Variants in FBXL20 observed in about 807,000 individuals in gnomAD.
The protein encoded by FBXL20 is F-box and leucine rich repeat protein 20.
Under a neutral mutation model 64.0 loss-of-function variants are expected in FBXL20, and 11 were observed. The observed-to-expected ratio is 0.17, with a 90% CI of 0.11 to 0.28. The LOEUF (loss-of-function observed/expected upper bound fraction) is 0.28, where lower values mean the gene tolerates loss of function less well. Ranked by LOEUF, FBXL20 falls within the 10% of genes least tolerant of loss-of-function variation. FBXL20 has a pLI of 1.00. For missense variants in FBXL20, 303 were observed against 526.2 expected, an observed-to-expected ratio of 0.58 and a Z score of 4.15; for synonymous variants, 184 against 189.0, an observed-to-expected ratio of 0.97 and a Z score of 0.22.
rs150560802 is a variant in FBXL20 at position 39,299,520 on chromosome 17, G to A, written c.235-436C>T. Among the ~76,000 whole-genome samples, 248 of 152,246 alleles carry A rather than the reference G, an allele frequency of 1.6e-3. 7 individuals are homozygous for A. In the East Asian group the frequency reaches 0.042, roughly 26 times the overall value. On this transcript the variant is annotated intron_variant, in intron 4 of 14. Transcript: ENST00000264658. The stretch of plus-strand genomic sequence containing the variant: ...TCAGGGGCCAGGCACGGTGGCCCAC[G>A]CCTGTAATCCCAGCACTTTGGGAGG...
chr17:39,287,668 G>C (rs1366141812), intron 6 of FBXL20, among the ~76,000 whole-genome samples: 2 of 152,078 alleles, frequency 1.3e-5, no homozygotes, highest in African/African-American at 2.4e-5. Context: ...GCCTTCCAGA[G>C]TGCTGGGATT....
intron 1 of FBXL20, among the ~76,000 whole-genome samples, chr17:39,346,875 A>G (rs2047638728): frequency 7.5e-6 from 1 of 134,036 alleles, no homozygotes; most frequent in African/African-American, 2.5e-5. Flanking sequence ...CCGGTGTGTG[A>G]TGTTCCCCAC....
At chr17:39,398,901 C>T (rs2048213551) in intron 1 of FBXL20, among the ~76,000 whole-genome samples, 1 of 152,088 alleles carries the variant, frequency 6.6e-6, no homozygotes, top group African/African-American at 2.4e-5. Flanking sequence ...TCTTGAACTC[C>T]TGACCTCGTG....
At chr17:39,296,655 G>T (rs1347276131) in intron 6 of FBXL20, among the ~76,000 whole-genome samples, 1 of 151,732 alleles carries the variant, frequency 6.6e-6, no homozygotes, top group Non-Finnish European at 1.5e-5. Flanking sequence ...AGCCTCTTGA[G>T]GATGAAGAAT....
chr17:39,292,788 A>G (rs1409625693), intron 6 of FBXL20, among the ~76,000 whole-genome samples: 1 of 146,694 alleles, frequency 6.8e-6, no homozygotes, highest in Non-Finnish European at 1.5e-5. Context: ...CATATGTCTT[A>G]TAATTTTTTT....
intron 1 of FBXL20, among the ~76,000 whole-genome samples, chr17:39,356,461 T>TCATC (rs1452275800): frequency 6.6e-6 from 1 of 152,016 alleles, no homozygotes; most frequent in East Asian, 1.9e-4. Context: ...GCTCAAGTGA[T>TCATC]CATCCCATCT....
At chr17:39,346,695 CT>C (rs112975808) in intron 1 of FBXL20, among the ~76,000 whole-genome samples, 95 of 149,288 alleles carry the variant, frequency 6.4e-4, no homozygotes, top group African/African-American at 1.5e-3. Flanking sequence ...CTGACAATTA[CT>C]TTTTTTTTTA....
chr17:39,374,220 G>A (rs1019191405), intron 1 of FBXL20, among the ~76,000 whole-genome samples: 2 of 146,766 alleles, frequency 1.4e-5, no homozygotes, highest in Admixed American at 6.9e-5. Context: ...GCAAAACTAC[G>A]TCTCAAAGAA....
intron 1 of FBXL20, among the ~76,000 whole-genome samples, chr17:39,343,814 G>C (rs1273389726): frequency 6.6e-6 from 1 of 151,502 alleles, no homozygotes; most frequent in Non-Finnish European, 1.5e-5. Flanking sequence ...TCCTGCTTCA[G>C]TCTCCTGGGT....
At chr17:39,290,623 G>A (rs2047029132) in intron 6 of FBXL20, among the ~76,000 whole-genome samples, 1 of 152,096 alleles carries the variant, frequency 6.6e-6, no homozygotes, top group African/African-American at 2.4e-5. Flanking sequence ...GAAGTGCAGT[G>A]GCATGATCAC....
chr17:39,305,370 T>C (rs1450335779), intron 2 of FBXL20, among the ~76,000 whole-genome samples: 2 of 152,174 alleles, frequency 1.3e-5, no homozygotes, highest in African/African-American at 2.4e-5. Flanking sequence ...AACCACACCA[T>C]AAGCTACCTG....
intron 2 of FBXL20, among the ~76,000 whole-genome samples, chr17:39,314,795 CTTTT>C (rs59955109): frequency 1.7e-4 from 22 of 125,958 alleles, no homozygotes; most frequent in African/African-American, 4.3e-4. Context: ...ATATCCTTTT[CTTTT>C]TTTTTTTTTT....
intron 2 of FBXL20, among the ~76,000 whole-genome samples, chr17:39,326,776 C>T (rs371776433): frequency 6.6e-6 from 1 of 151,774 alleles, no homozygotes; most frequent in Admixed American, 6.6e-5. Flanking sequence ...CACGCCACCA[C>T]ACCCGGCTAA....
intron 3 of FBXL20, among the ~76,000 whole-genome samples, chr17:39,302,462 C>T (rs1176546548): frequency 2.0e-5 from 3 of 151,520 alleles, no homozygotes; most frequent in Admixed American, 2.0e-4. Context: ...CAAGCTCCAC[C>T]TCCCGGGTTC....
chr17:39,386,399 C>T (rs1344417754), intron 1 of FBXL20, among the ~76,000 whole-genome samples: 3 of 151,958 alleles, frequency 2.0e-5, no homozygotes, highest in Non-Finnish European at 4.4e-5. Flanking sequence ...GAGGCCAGGG[C>T]GGGGTGGATC....
chr17:39,379,597 C>G (rs771684691), intron 1 of FBXL20, among the ~76,000 whole-genome samples: 4 of 151,304 alleles, frequency 2.6e-5, no homozygotes, highest in Non-Finnish European at 5.9e-5. Context: ...CCGGGCTACA[C>G]AGCAAAACCT....
chr17:39,337,731 G>A (rs988522689), intron 2 of FBXL20, among the ~76,000 whole-genome samples: 1 of 152,012 alleles, frequency 6.6e-6, no homozygotes, highest in Non-Finnish European at 1.5e-5. Flanking sequence ...TCTGAGAAGG[G>A]AGGAGCGTCT....
At chr17:39,269,709 G>A (rs1013366045) in intron 11 of FBXL20, among the ~76,000 whole-genome samples, 13 of 150,664 alleles carry the variant, frequency 8.6e-5, no homozygotes, top group African/African-American at 2.9e-4. Context: ...TGTGGGTCAG[G>A]CTGATCTCGA....
At chr17:39,345,367 G>T (rs2047622025) in intron 1 of FBXL20, among the ~76,000 whole-genome samples, 1 of 152,180 alleles carries the variant, frequency 6.6e-6, no homozygotes, top group South Asian at 2.1e-4. Flanking sequence ...GAGCTTAAAA[G>T]AAGGCCAAAA....
Sources: gnomAD v4.1 joint callset for allele counts (sites outside exome capture counted in the v4.1 genomes callset) on GRCh38, gnomAD v4.1.1 for gene constraint, MANE v1.5 for transcripts, NCBI Gene and HGNC (gene_info 2026-07-23, HGNC 2026-07-21) for gene names.